SPTLC1: variants seen among roughly 807,000 people sequenced by gnomAD.
The protein encoded by SPTLC1 is serine palmitoyltransferase long chain base subunit 1.
Under a neutral mutation model 68.9 loss-of-function variants are expected in SPTLC1, and 55 were observed. The observed-to-expected ratio is 0.80, with a 90% CI of 0.64 to 1.00. The LOEUF (loss-of-function observed/expected upper bound fraction) is 1.00. Among genes scored for constraint, SPTLC1 ranks in the 50% least tolerant of loss-of-function variants. The pLI is 0.00. For synonymous variants in SPTLC1, 197 were observed against 201.6 expected (o/e 0.98, Z 0.19); for missense variants, 449 against 573.1 (o/e 0.78, Z 2.21).
chr9:92,110,174 C>T (rs1287818113), intron 2 of SPTLC1: 1 of 152,152 alleles, frequency 6.6e-6, no homozygotes, highest in African/African-American at 2.4e-5. Context: ...AGTAATTAAC[C>T]TAGCACTAGC....
chr9:92,041,044 C>T, intron 12 of SPTLC1, among the ~76,000 whole-genome samples: 1 of 152,174 alleles, frequency 6.6e-6, no homozygotes, highest in East Asian at 1.9e-4. Context: ...GATAAACGAG[C>T]ACTGGGCTAG....
chr9:92,067,981 C>T lies in SPTLC1; in HGVS notation c.545G>A (p.Gly182Glu). ...GTTTACTTACACAAAAACAATGTCCCCTCTTTTAGAGTAAGCAGGAATAGC... is the reference window on the plus strand; with the variant it reads ...GTTTACTTACACAAAAACAATGTCCTCTCTTTTAGAGTAAGCAGGAATAGC... ...ASAIPAYSKR[G>E]DIVFVDRAAC... Residue 182 changes from glycine to glutamate, a missense_variant, in exon 6 of 15, where the codon GGG (glycine) becomes GAG (glutamate). Gly to Glu is a moderately conservative substitution (Grantham distance 98). Coordinates refer to ENST00000262554, the MANE Select transcript of SPTLC1 (RefSeq NM_006415.4). 2 of 1,614,050 alleles carry T rather than the reference C, an allele frequency of 1.2e-6. No individual in the cohort carries two copies. Among genetic ancestry groups the T allele is most frequent in the Non-Finnish European group, 1.7e-6 (2 of 1,179,986 alleles).
chr9:92,034,557 C>T (rs1446268870), intron 14 of SPTLC1, among the ~76,000 whole-genome samples: 1 of 152,144 alleles, frequency 6.6e-6, no homozygotes, highest in East Asian at 1.9e-4. Context: ...TCAGTTTGCC[C>T]AAGTTCATTG....
In SPTLC1 at chr9:92,032,312, G is replaced by A. The variant is rs1832988066; in HGVS notation, c.*153C>T. 1 of 1,543,268 alleles carries A rather than the reference G, an allele frequency of 6.5e-7. No homozygotes were observed. Among genetic ancestry groups the A allele is most frequent in the Admixed American group, 2.0e-5 (1 of 51,122 alleles). On this transcript the variant is annotated 3_prime_UTR_variant, in exon 15 of 15. Coordinates refer to ENST00000262554, the MANE Select transcript of SPTLC1 (RefSeq NM_006415.4). ...AAAAAAAATAAGCATCCTTCTCATGGTCACACAATTGGTCCATACTGACAC... is the reference window on the plus strand; with the variant it reads ...AAAAAAAATAAGCATCCTTCTCATGATCACACAATTGGTCCATACTGACAC...
chr9:92,052,785 G>A (rs530535320), intron 8 of SPTLC1, among the ~76,000 whole-genome samples: 1 of 152,158 alleles, frequency 6.6e-6, no homozygotes, highest in South Asian at 2.1e-4. Flanking sequence ...ACCTGCCTCG[G>A]CCTCCCAAAG....
intron 3 of SPTLC1, among the ~76,000 whole-genome samples, chr9:92,107,519 G>A (rs1230195694): frequency 5.3e-5 from 8 of 152,218 alleles, no homozygotes; most frequent in Non-Finnish European, 8.8e-5. Context: ...TTGGGAGGCC[G>A]AGGCCGGCGG....
At chr9:92,062,791 T>G (rs1032642579) in intron 6 of SPTLC1, among the ~76,000 whole-genome samples, 7 of 152,154 alleles carry the variant, frequency 4.6e-5, no homozygotes, top group African/African-American at 1.7e-4. Flanking sequence ...AGCAAAATAA[T>G]GACACCCTAT....
At chr9:92,067,874 TA>T in intron 6 of SPTLC1, 91 bp downstream of exon 6, 1 of 1,454,680 alleles carries the variant, frequency 6.9e-7, no homozygotes, top group Non-Finnish European at 9.6e-7. Context: ...AGCATTATTT[TA>T]TGCAGATAAC....
rs147442145 is a variant in SPTLC1 at position 92,074,503 on chromosome 9, C to A, written c.427+5513G>T. On this transcript the variant is annotated intron_variant, in intron 5 of 14. Coordinates refer to ENST00000262554, the MANE Select transcript of SPTLC1 (RefSeq NM_006415.4). ...CTCTCCTTTCATCTCCCCACCTTAACCCTAAAGTATGGGATACCTCCACTC... is the reference window on the plus strand; with the variant it reads ...CTCTCCTTTCATCTCCCCACCTTAAACCTAAAGTATGGGATACCTCCACTC... 2.2e-3 allele frequency among the ~76,000 whole-genome samples: 342 copies of A among 152,226 alleles called. 1 individual carries two copies. The highest frequency in any genetic ancestry group is 7.8e-3 in the African/African-American group (323 of 41,524).
In SPTLC1 at chr9:92,038,367, T is replaced by C; in HGVS notation, c.1137-2A>G. Reference sequence around the variant, plus strand: ...CCCACCACTTTTAATCCAGAAATGCTGAAGAAGGGAAACACACACACAGCT... The same window carrying C: ...CCCACCACTTTTAATCCAGAAATGCCGAAGAAGGGAAACACACACACAGCT... On this transcript the variant is annotated splice_acceptor_variant, in intron 12 of 14. Transcript: ENST00000262554. LOFTEE classifies it high-confidence loss of function. 6 of 1,588,252 alleles carry C rather than the reference T, an allele frequency of 3.8e-6. No individual in the cohort carries two copies. The highest frequency in any genetic ancestry group is 5.2e-6 in the Non-Finnish European group (6 of 1,157,594).
At chr9:92,045,524 TAAAAAAAA>T (rs71362367) in intron 12 of SPTLC1, among the ~76,000 whole-genome samples, 14 of 31,638 alleles carry the variant, frequency 4.4e-4, no homozygotes, top group Admixed American at 2.0e-3. Context: ...TCTTGTGTAG[TAAAAAAAA>T]AAAAAAAAAA....
rs1481676465 is a variant in SPTLC1 at position 92,112,501 on chromosome 9, A to G, written c.119T>C (p.Phe40Ser). 6.2e-7 allele frequency: 1 copy of G among 1,611,506 alleles called. No homozygotes were observed. Among genetic ancestry groups the G allele is most frequent in the South Asian group, 1.1e-5 (1 of 91,044 alleles). ...ILILWIIRLL[F>S]SKTYKLQERS... is the part of the protein sequence containing the mutation. ...TTCTTGTAATTTGTAAGTCTTAGAG[A>G]AAAGAAGTCTGATTATCCAGAGGAT... The change falls in exon 2 of 15, where the codon TTC becomes TCC. Residue 40 changes from phenylalanine (F) to serine (S), a missense_variant. This residue lies in a region of SPTLC1 where 46 missense variants were observed against 57.8 expected (regional missense o/e 0.80). Coordinates refer to ENST00000262554, the MANE Select transcript of SPTLC1 (RefSeq NM_006415.4).
At chr9:92,110,056 A>G (rs1298480415) in intron 2 of SPTLC1, 3 of 152,194 alleles carry the variant, frequency 2.0e-5, no homozygotes, top group Non-Finnish European at 4.4e-5. Context: ...TAGATGTCGT[A>G]TGACTATTCC....
At chr9:92,093,218 T>C (rs1464551729) in intron 3 of SPTLC1, among the ~76,000 whole-genome samples, 1 of 152,202 alleles carries the variant, frequency 6.6e-6, no homozygotes, top group East Asian at 1.9e-4. Flanking sequence ...TGATCTTAGA[T>C]GCAGAAATAA....
At chr9:92,083,734 G>C (rs956957846) in intron 3 of SPTLC1, among the ~76,000 whole-genome samples, 31 of 152,028 alleles carry the variant, frequency 2.0e-4, no homozygotes, top group African/African-American at 7.5e-4. Context: ...GCTCTTTTTT[G>C]GTTCCATATG....
chr9:92,045,797 A>G (rs546055323), intron 12 of SPTLC1, among the ~76,000 whole-genome samples: 2 of 152,236 alleles, frequency 1.3e-5, no homozygotes, highest in South Asian at 4.1e-4. Context: ...AGTTTGTTTC[A>G]TTTTCAGAAA....
intron 8 of SPTLC1, chr9:92,051,236 G>A: frequency 1.0e-6 from 1 of 983,544 alleles, no homozygotes; most frequent in Non-Finnish European, 1.2e-6. Context: ...ACAACATATG[G>A]AACCCTTATT....
chr9:92,048,719 C>G (rs900037040), intron 9 of SPTLC1, among the ~76,000 whole-genome samples: 1 of 152,172 alleles, frequency 6.6e-6, no homozygotes, highest in Non-Finnish European at 1.5e-5. Context: ...AAACTAGTAT[C>G]ATACTTAAGA....
chr9:92,093,010 T>C (rs1835419980), intron 3 of SPTLC1, among the ~76,000 whole-genome samples: 2 of 152,214 alleles, frequency 1.3e-5, no homozygotes, highest in Admixed American at 1.3e-4. Context: ...AAACCTTTTT[T>C]TAAGCCTGAA....
Sources: allele counts gnomAD v4.1 joint callset (sites outside exome capture counted in the v4.1 genomes callset), GRCh38; gene constraint gnomAD v4.1.1; regional missense constraint gnomAD v4.1.1; transcripts MANE v1.5; gene names NCBI Gene and HGNC (gene_info 2026-07-23, HGNC 2026-07-21).